The following ZNF532 variants were observed in gnomAD, a reference collection of about 807,000 sequenced individuals.
The protein encoded by ZNF532 is zinc finger protein 532.
ZNF532 carries 22 observed loss-of-function variants against 89.3 expected under a neutral mutation model. The ratio of observed to expected loss-of-function variants is 0.25; its 90% CI spans 0.18 to 0.35. The LOEUF is 0.35. ZNF532 is among the 10% of genes least tolerant of loss of function. The pLI is 1.00. For missense variants in ZNF532, 1,132 were observed against 1,643.4 expected (o/e 0.69, Z 5.38); for synonymous variants, 606 against 649.6 (o/e 0.93, Z 1.02).
chr18:58,873,583 G>C (rs1203632522), intron 2 of ZNF532, among the ~76,000 whole-genome samples: 2 of 152,052 alleles, frequency 1.3e-5, no homozygotes, highest in Non-Finnish European at 2.9e-5. Context: ...CAAATAGCTG[G>C]TATTAAAGGC....
intron 5 of ZNF532, 167 bp downstream of exon 5, chr18:58,939,788 T>A: frequency 1.9e-6 from 1 of 534,166 alleles, no homozygotes; most frequent in Non-Finnish European, 3.1e-6. Context: ...CAAATCTTTC[T>A]GTTCTTTCCA....
At chr18:58,888,754 TA>T (rs1284367251) in intron 2 of ZNF532, among the ~76,000 whole-genome samples, 5,095 of 43,788 alleles carry the variant, frequency 0.12, 672 homozygotes, top group African/African-American at 0.23. Context: ...TATATATATA[TA>T]AAATTAATAT....
chr18:58,915,726 C>T (rs918054648), intron 2 of ZNF532, among the ~76,000 whole-genome samples: 1 of 152,218 alleles, frequency 6.6e-6, no homozygotes. Context: ...ATAAGAATGT[C>T]AGACAGTCGC....
rs1437124086 is a variant in ZNF532, at chr18:58,944,147, G to T, written c.2706-3920G>T. Among the ~76,000 whole-genome samples, 6 of 152,268 alleles carry T rather than the reference G, an allele frequency of 3.9e-5. No homozygotes were observed. The South Asian group carries it at 8.3e-4, about 21-fold the overall frequency. ...GATTAGGTGTATGACGCGGAGGGTGGTGCTTTGCCCCTAGTTGGATTCAGT... is the reference window on the plus strand; with the variant it reads ...GATTAGGTGTATGACGCGGAGGGTGTTGCTTTGCCCCTAGTTGGATTCAGT... On this transcript the variant is annotated intron_variant, in intron 5 of 9. Coordinates refer to ENST00000591808, the MANE Select transcript of ZNF532 (RefSeq NM_001375912.1).
At chr18:58,868,204 C>G (rs1306863434) in intron 2 of ZNF532, among the ~76,000 whole-genome samples, 1 of 152,150 alleles carries the variant, frequency 6.6e-6, no homozygotes, top group Non-Finnish European at 1.5e-5. Context: ...ATCATGTACT[C>G]CTAATCCCAG....
chr18:58,907,511 T>G (rs1016326859), intron 2 of ZNF532, among the ~76,000 whole-genome samples: 1 of 152,000 alleles, frequency 6.6e-6, no homozygotes, highest in African/African-American at 2.4e-5. Flanking sequence ...GTTTTTTTTT[T>G]GAGATGGAGT....
rs535185229 is a variant in ZNF532 at position 58,909,943 on chromosome 18, T to C, written c.-17-8328T>C. Among the ~76,000 whole-genome samples the C allele has an allele frequency of 2.0e-5, 3 of 152,312 alleles. No individual in the cohort carries two copies. In the East Asian group the frequency reaches 5.8e-4, roughly 29 times the overall value. The stretch of plus-strand genomic sequence containing the variant: ...TTTAACTTTTAGGTTGAAATAATTT[T>C]AACTTAAAGTTTTGGCTGGGTACAG... On this transcript the variant is annotated intron_variant, in intron 2 of 9. Transcript: ENST00000591808.
intron 7 of ZNF532, among the ~76,000 whole-genome samples, chr18:58,970,527 G>T (rs1446074013): frequency 2.0e-5 from 3 of 152,236 alleles, no homozygotes; most frequent in Non-Finnish European, 2.9e-5. Flanking sequence ...TCATAGTCAG[G>T]TGGTCTCTGG....
intron 7 of ZNF532, among the ~76,000 whole-genome samples, chr18:58,959,269 TG>T (rs200138192): frequency 0.028 from 4,069 of 146,604 alleles, 302 homozygotes; most frequent in African/African-American, 0.099. Flanking sequence ...TGTTTTTTTT[TG>T]TTTTTTTTTG....
intron 8 of ZNF532, 55 bp downstream of exon 8, chr18:58,979,222 A>G (rs1291140720): frequency 1.4e-6 from 2 of 1,460,586 alleles, no homozygotes; most frequent in Non-Finnish European, 1.9e-6. Flanking sequence ...GAACCTCTGG[A>G]AGGTTTTTAG....
At chr18:58,881,663 G>A (rs2057937392) in intron 2 of ZNF532, among the ~76,000 whole-genome samples, 1 of 152,180 alleles carries the variant, frequency 6.6e-6, no homozygotes, top group African/African-American at 2.4e-5. Context: ...ACAGTGTCCT[G>A]TGGTTTATAG....
intron 2 of ZNF532, among the ~76,000 whole-genome samples, chr18:58,888,765 T>C (rs2058559913): frequency 1.5e-5 from 1 of 67,798 alleles, no homozygotes; most frequent in Non-Finnish European, 2.3e-5. Flanking sequence ...AAAATTAATA[T>C]ATATAATTTA....
chr18:58,969,020 A>G (rs2066198581), intron 7 of ZNF532, among the ~76,000 whole-genome samples: 1 of 152,202 alleles, frequency 6.6e-6, no homozygotes, highest in Non-Finnish European at 1.5e-5. Context: ...ATTCCCGGGC[A>G]TGGTTGAATG....
At chr18:58,977,558 T>TAATC (rs1228709316) in intron 7 of ZNF532, 5 of 152,222 alleles carry the variant, frequency 3.3e-5, no homozygotes, top group African/African-American at 1.2e-4. Flanking sequence ...TTTAAAAATG[T>TAATC]AATCAGTCTG....
chr18:58,901,791 A>G (rs1363474377), intron 2 of ZNF532, among the ~76,000 whole-genome samples: 1 of 152,050 alleles, frequency 6.6e-6, no homozygotes, highest in Non-Finnish European at 1.5e-5. Flanking sequence ...CCCTGTCCCC[A>G]TCTCCTCTGG....
chr18:58,871,009 A>G (rs75955231), intron 2 of ZNF532, among the ~76,000 whole-genome samples: 3,642 of 152,036 alleles, frequency 0.024, 62 homozygotes, highest in Middle Eastern at 0.044. Context: ...TAAAACAGAG[A>G]GGATAGAAGA....
chr18:58,967,657 G>A (rs1044002155), intron 7 of ZNF532, among the ~76,000 whole-genome samples: 2 of 152,066 alleles, frequency 1.3e-5, no homozygotes, highest in African/African-American at 2.4e-5. Context: ...AGTTAGAGTC[G>A]GAGCTCGGTA....
intron 7 of ZNF532, among the ~76,000 whole-genome samples, chr18:58,975,227 T>A (rs2066907952): frequency 6.6e-6 from 1 of 152,134 alleles, no homozygotes; most frequent in Non-Finnish European, 1.5e-5. Flanking sequence ...TTGAGGATAA[T>A]CCTGTAGCCT....
chr18:58,944,932 G>C (rs2063522248), intron 5 of ZNF532, among the ~76,000 whole-genome samples: 2 of 152,112 alleles, frequency 1.3e-5, no homozygotes, highest in Admixed American at 1.3e-4. Context: ...AAATGCTTTG[G>C]TGTGTTCTGC....
Sources: gnomAD v4.1 joint callset for allele counts (sites outside exome capture counted in the v4.1 genomes callset) on GRCh38, gnomAD v4.1.1 for gene constraint, MANE v1.5 for transcripts, NCBI Gene and HGNC (gene_info 2026-07-23, HGNC 2026-07-21) for gene names.